The following MICU1 variants were observed in gnomAD, a reference collection of about 807,000 sequenced individuals.
MICU1 encodes calcium uptake protein 1, mitochondrial.
Under a neutral mutation model 56.8 loss-of-function variants are expected in MICU1, and 45 were observed. The ratio of observed to expected loss-of-function variants is 0.79; its 90% CI spans 0.62 to 1.02. The LOEUF (loss-of-function observed/expected upper bound fraction) is 1.02, where lower values mean the gene tolerates loss of function less well. Among genes scored for constraint, MICU1 ranks in the 50% least tolerant of loss-of-function variants. The probability of loss-of-function intolerance (pLI) is 0.00; values close to 1 mark genes in which losing one functional copy is unlikely to be tolerated. For missense variants in MICU1, 504 were observed against 587.1 expected, an observed-to-expected ratio of 0.86 and a Z score of 1.46; for synonymous variants, 186 against 195.1, an observed-to-expected ratio of 0.95 and a Z score of 0.39.
chr10:72,496,578 A>G (rs573210131), intron 6 of MICU1, among the ~76,000 whole-genome samples: 1 of 152,324 alleles, frequency 6.6e-6, no homozygotes, highest in Admixed American at 6.5e-5. Context: ...CTGAGATTAT[A>G]GGCATGGGCC....
rs78100423 is a variant in MICU1 at position 72,469,709 on chromosome 10, T to C, written c.933+5391A>G. On this transcript the variant is annotated intron_variant, in intron 8 of 11. Transcript: ENST00000361114. Reference sequence around the variant, plus strand: ...GCCCAGTGGTGTTAGGTATGAAATATTTTATTAGTTTGCTAAGGCTCCCAT... The same window carrying C: ...GCCCAGTGGTGTTAGGTATGAAATACTTTATTAGTTTGCTAAGGCTCCCAT... Among the ~76,000 whole-genome samples, 7 of 152,314 alleles carry C rather than the reference T, an allele frequency of 4.6e-5. No homozygotes were observed. In the East Asian group the frequency reaches 9.6e-4, roughly 21 times the overall value.
chr10:72,511,261 T>C (rs571642942), intron 5 of MICU1, among the ~76,000 whole-genome samples: 122 of 152,322 alleles, frequency 8.0e-4, no homozygotes, highest in East Asian at 5.4e-3. Context: ...TATTGCCAAA[T>C]GATATTCCAC....
chr10:72,475,011 G>A, intron 8 of MICU1, 89 bp downstream of exon 8: 1 of 1,102,388 alleles, frequency 9.1e-7, no homozygotes, highest in Non-Finnish European at 1.3e-6. Context: ...CTCACAGCTG[G>A]AGGTAAATGG....
chr10:72,427,762 A>ATATC (rs1271203748), intron 8 of MICU1, among the ~76,000 whole-genome samples: 3 of 93,914 alleles, frequency 3.2e-5, no homozygotes, highest in African/African-American at 1.2e-4. Flanking sequence ...ATATATATAT[A>ATATC]TATATATGAA....
At chr10:72,444,241 A>G (rs1865033694) in intron 8 of MICU1, among the ~76,000 whole-genome samples, 3 of 146,504 alleles carry the variant, frequency 2.0e-5, no homozygotes, top group Admixed American at 6.8e-5. Context: ...GGAAGGGGGG[A>G]GGGATAGCAC....
chr10:72,368,041 G>A lies in MICU1; in HGVS notation c.*154C>T. The stretch of plus-strand genomic sequence containing the variant: ...GAGCCCAGCAGAACACGGGGACGGG[G>A]AAGGGTAAAGAGGGGAAACCGACAG... On this transcript the variant is annotated 3_prime_UTR_variant, in exon 12 of 12. Coordinates refer to ENST00000361114, the MANE Select transcript of MICU1 (RefSeq NM_001195518.2). 1.4e-6 allele frequency: 1 copy of A among 718,880 alleles called. No individual in the cohort carries two copies. Among genetic ancestry groups the A allele is most frequent in the East Asian group, 2.7e-5 (1 of 36,514 alleles). 44.5% of individuals were successfully genotyped at this position (718,880 alleles called of 1,614,324 possible).
At chr10:72,615,904 G>T (rs916114529) in intron 1 of MICU1, among the ~76,000 whole-genome samples, 14 of 152,180 alleles carry the variant, frequency 9.2e-5, no homozygotes, top group African/African-American at 2.9e-4. Flanking sequence ...CAGGAGAATG[G>T]CGTGAACCCG....
chr10:72,475,182 C>T lies in MICU1; in HGVS notation c.851G>A (p.Gly284Glu). ...TGTCAGCTTTCCCTTCAGATCAGCT[C>T]CAAAAAAGTAGGTTGTGAGGGCTGA... ...LCSALTTYFF[G>E]ADLKGKLTIK... Residue 284 changes from glycine (G) to glutamate (E), a missense_variant, in exon 8 of 12, where the codon GGA becomes GAA. Coordinates refer to ENST00000361114, the MANE Select transcript of MICU1 (RefSeq NM_001195518.2). 1 of 1,611,222 alleles carries T rather than the reference C, an allele frequency of 6.2e-7. No individual in the cohort carries two copies. Among genetic ancestry groups the T allele is most frequent in the Non-Finnish European group, 8.5e-7 (1 of 1,178,692 alleles).
chr10:72,477,472 G>A, intron 6 of MICU1: 1 of 1,521,052 alleles, frequency 6.6e-7, no homozygotes, highest in South Asian at 1.2e-5. Context: ...ACTACGGCCA[G>A]TAAAGACAGC....
rs34228174 is a variant in MICU1 at position 72,374,808 on chromosome 10, C to CTT, written c.1270+973_1270+974dup. On this transcript the variant is annotated intron_variant, in intron 11 of 11. Transcript: ENST00000361114. The stretch of plus-strand genomic sequence containing the variant: ...TCCTGGTTTTGCCATCTACTATTAT[C>CTT]TTTTTTTTTTTTTTTTTTTTTTTTT... Among the ~76,000 whole-genome samples, 319 of 77,232 alleles carry CTT rather than the reference C, an allele frequency of 4.1e-3. 37 individuals are homozygous for CTT. Among genetic ancestry groups the CTT allele is most frequent in the African/African-American group, 0.012 (229 of 19,290 alleles). The allele number at this position is 77,232 out of a possible 152,430, so 50.7% of individuals were successfully genotyped here. A position where few individuals can be genotyped will look rare whatever the true frequency, so the allele number is the denominator to read the frequency against.
At chr10:72,590,458 G>A (rs1029665022) in intron 1 of MICU1, among the ~76,000 whole-genome samples, 1 of 152,168 alleles carries the variant, frequency 6.6e-6, no homozygotes, top group African/African-American at 2.4e-5. Context: ...ATAATAGGTA[G>A]AGACTGCAAA....
chr10:72,518,694 T>C (rs1251543610), intron 5 of MICU1, among the ~76,000 whole-genome samples: 1 of 152,188 alleles, frequency 6.6e-6, no homozygotes, highest in African/African-American at 2.4e-5. Flanking sequence ...TTCTTTTTTT[T>C]CTCTTTGAGA....
At chr10:72,415,560 T>C (rs1863957583) in intron 9 of MICU1, among the ~76,000 whole-genome samples, 1 of 152,202 alleles carries the variant, frequency 6.6e-6, no homozygotes, top group African/African-American at 2.4e-5. Context: ...TCCACAGGTA[T>C]CTAATCTTTC....
intron 5 of MICU1, 60 bp from the exon 6 acceptor site, chr10:72,508,329 TAGTA>T (rs1867329305): frequency 1.5e-6 from 1 of 651,126 alleles, no homozygotes; most frequent in South Asian, 3.0e-5. Context: ...AGAATATAAA[TAGTA>T]AGAGATGAAT....
intron 8 of MICU1, among the ~76,000 whole-genome samples, chr10:72,424,056 CAT>C (rs1357235178): frequency 6.6e-6 from 1 of 152,098 alleles, no homozygotes; most frequent in Non-Finnish European, 1.5e-5. Context: ...ATGAGCAAAA[CAT>C]AGAACTGTAT....
intron 8 of MICU1, among the ~76,000 whole-genome samples, chr10:72,438,256 G>T (rs545956767): frequency 2.2e-4 from 34 of 151,650 alleles, no homozygotes; most frequent in African/African-American, 8.2e-4. Flanking sequence ...ACTCAAAACC[G>T]CACAACTACA....
intron 6 of MICU1, among the ~76,000 whole-genome samples, chr10:72,478,518 T>C (rs1257914570): frequency 1.3e-5 from 2 of 152,220 alleles, no homozygotes; most frequent in Non-Finnish European, 2.9e-5. Flanking sequence ...GTCCTTATAC[T>C]AGTGAATTAA....
At chr10:72,459,789 T>A (rs1209978038) in intron 8 of MICU1, among the ~76,000 whole-genome samples, 5 of 152,220 alleles carry the variant, frequency 3.3e-5, no homozygotes, top group African/African-American at 1.2e-4. Flanking sequence ...AGAAAGCTAT[T>A]GAGGTGTCTC....
chr10:72,409,343 T>C (rs1863731219), intron 9 of MICU1, among the ~76,000 whole-genome samples: 1 of 152,252 alleles, frequency 6.6e-6, no homozygotes, highest in Non-Finnish European at 1.5e-5. Flanking sequence ...AGTTCTTTCC[T>C]GGTACTCTCC....
Sources: gnomAD v4.1 joint callset for allele counts (sites outside exome capture counted in the v4.1 genomes callset) on GRCh38, gnomAD v4.1.1 for gene constraint, MANE v1.5 for transcripts, NCBI Gene and HGNC (gene_info 2026-07-23, HGNC 2026-07-21) for gene names.